Variants in TYK2 observed in about 807,000 individuals in gnomAD.
TYK2 encodes non-receptor tyrosine-protein kinase TYK2.
A neutral mutation model predicts 130.9 loss-of-function variants in TYK2; 65 were observed. That is an observed-to-expected ratio of 0.50 (90% CI 0.41 to 0.61). The LOEUF (loss-of-function observed/expected upper bound fraction) is 0.61. Among genes scored for constraint, TYK2 ranks in the 20% least tolerant of loss-of-function variants. TYK2 has a pLI of 0.00. For missense variants in TYK2, 1,378 were observed against 1,610.7 expected, an observed-to-expected ratio of 0.86 and a Z score of 2.47; for synonymous variants, 647 against 658.9, an observed-to-expected ratio of 0.98 and a Z score of 0.28.
chr19:10,377,386 AGGTGGGTGGGTGGGTG>A (rs762043167), intron 3 of TYK2, among the ~76,000 whole-genome samples: 2 of 74,572 alleles, frequency 2.7e-5, no homozygotes, highest in African/African-American at 9.1e-5. Flanking sequence ...ATGGATGAAT[AGGTGGGTGGGTGGGTG>A]GATGGATGGA....
At position 10,365,540 on chromosome 19, in the gene TYK2, C is replaced by T; in HGVS notation, c.988G>A (p.Glu330Lys). ...ACCTCCTCCTTGTTCACCTCCTCCT[C>T]TACTGGCCACCACTGGATGCCACCA... is the stretch of plus-strand genomic sequence containing the variant. ...GTGGIQWWPV[E>K]EEVNKEEGSS... Residue 330 changes from glutamate to lysine, a missense_variant, in exon 7 of 25, where the codon GAG (glutamate) becomes AAG (lysine). Transcript: ENST00000525621. 6.2e-7 allele frequency: 1 copy of T among 1,614,074 alleles called. No homozygotes were observed. The highest frequency in any genetic ancestry group is 1.3e-5 in the African/African-American group (1 of 75,038).
At chr19:10,358,288 T>G (rs2041210538) in intron 15 of TYK2, 150 bp from the exon 16 acceptor site, 1 of 741,420 alleles carries the variant, frequency 1.3e-6, no homozygotes, top group Non-Finnish European at 2.1e-6. Context: ...GGGTTATTTT[T>G]TTCTTGTTTT....
At chr19:10,377,951 T>G in intron 3 of TYK2, among the ~76,000 whole-genome samples, 2 of 89,684 alleles carry the variant, frequency 2.2e-5, no homozygotes, top group East Asian at 3.3e-4. Context: ...GGTGGGTGGA[T>G]GGGTGAATGG....
At chr19:10,367,476 T>G (rs879939340) in intron 5 of TYK2, among the ~76,000 whole-genome samples, 4 of 151,508 alleles carry the variant, frequency 2.6e-5, no homozygotes, top group Non-Finnish European at 5.9e-5. Context: ...AATAGAAAAA[T>G]TAGCCTGGGG....
intron 5 of TYK2, among the ~76,000 whole-genome samples, chr19:10,367,404 C>T (rs926445600): frequency 9.2e-5 from 14 of 152,056 alleles, no homozygotes; most frequent in African/African-American, 3.1e-4. Flanking sequence ...GCAGGTGAAT[C>T]ACTTGAGGTC....
chr19:10,351,197 G>T (rs1241586585), intron 23 of TYK2, 35 bp from the exon 24 acceptor site: 6 of 1,562,644 alleles, frequency 3.8e-6, no homozygotes, highest in Non-Finnish European at 5.3e-6. Context: ...TTTTCAAGAG[G>T]CAATGAAAGG....
intron 23 of TYK2, 36 bp from the exon 24 acceptor site, chr19:10,351,198 C>G: frequency 6.4e-7 from 1 of 1,569,184 alleles, no homozygotes; most frequent in South Asian, 1.1e-5. Flanking sequence ...TTTCAAGAGG[C>G]AATGAAAGGC....
chr19:10,350,640 C>G lies in TYK2; in HGVS notation c.*194G>C. 1 of 653,446 alleles carries G rather than the reference C, an allele frequency of 1.5e-6. No individual in the cohort carries two copies. Among genetic ancestry groups the G allele is most frequent in the Non-Finnish European group, 2.6e-6 (1 of 389,484 alleles). 40.5% of individuals were successfully genotyped at this position (653,446 alleles called of 1,614,324 possible). On this transcript the variant is annotated 3_prime_UTR_variant, in exon 25 of 25. Transcript: ENST00000525621. ...GTGCCCCTACAAATGTTGGGTCCCT[C>G]AAGATCATGGTTAGGCTCACGGCCA...
intron 3 of TYK2, among the ~76,000 whole-genome samples, chr19:10,377,536 ATGGATGGATGGGTGGGTGGG>A (rs1290812395): frequency 6.2e-5 from 4 of 64,832 alleles, no homozygotes; most frequent in East Asian, 5.0e-4. Context: ...GGATGGATGG[ATGGATGGATGGGTGGGTGGG>A]TGGATGGATG....
In TYK2 at chr19:10,353,915, A is replaced by T; in HGVS notation, c.2908+127T>A. ...AGCCACGCTCACCCAGATGCCAAGA[A>T]CCGCGTACTGCAGCCTGGGGTTGAG... On this transcript the variant is annotated intron_variant, in intron 20 of 24. Coordinates refer to ENST00000525621, the MANE Select transcript of TYK2 (RefSeq NM_003331.5). The surrounding 1 kb of genome is among the most constrained non-coding windows in gnomAD (Gnocchi z 6.9). The T allele has an allele frequency of 1.9e-6, 2 of 1,055,010 alleles. No homozygotes were observed. The highest frequency in any genetic ancestry group is 2.7e-5 in the South Asian group (2 of 73,520). 65.4% of individuals were successfully genotyped at this position (1,055,010 alleles called of 1,614,324 possible). A position where few individuals can be genotyped will look rare whatever the true frequency, so the allele number is the denominator to read the frequency against.
chr19:10,361,389 G>T lies in TYK2; in HGVS notation c.2047+122C>A. On this transcript the variant is annotated intron_variant, in intron 14 of 24. Transcript: ENST00000525621. The surrounding 1 kb of genome is among the most constrained non-coding windows in gnomAD (Gnocchi z 4.0). ...GGTGTAGCCCGGGATCAGAGTACAG[G>T]TGAGAGTTGAGAAATAGGCATAGGT... 1.1e-6 allele frequency: 1 copy of T among 951,938 alleles called. No homozygotes were observed. The highest frequency in any genetic ancestry group is 1.6e-6 in the Non-Finnish European group (1 of 616,402). 59.0% of individuals were successfully genotyped at this position (951,938 alleles called of 1,614,324 possible). A position where few individuals can be genotyped will look rare whatever the true frequency, so the allele number is the denominator to read the frequency against.
chr19:10,374,584 CAAAAAAAAAAAAA>C (rs1278364077), intron 3 of TYK2, among the ~76,000 whole-genome samples: 3 of 50,130 alleles, frequency 6.0e-5, no homozygotes, highest in Non-Finnish European at 1.1e-4. Flanking sequence ...GACTCCGTCT[CAAAAAAAAAAAAA>C]AAAAAAAAAG....
chr19:10,376,803 T>C (rs961697312), intron 3 of TYK2, among the ~76,000 whole-genome samples: 1 of 150,900 alleles, frequency 6.6e-6, no homozygotes, highest in African/African-American at 2.4e-5. Context: ...AGTTTTGCCA[T>C]GTTGGCCAGG....
chr19:10,363,338 C>T (rs1393907574), intron 9 of TYK2, among the ~76,000 whole-genome samples: 2 of 151,830 alleles, frequency 1.3e-5, no homozygotes, highest in Admixed American at 6.6e-5. Context: ...TACAGGTGTG[C>T]CCAGCTAATT....
Position 10,353,690 on chromosome 19 carries a change from G to A in TYK2, c.2909-44C>T. 1 of 1,414,758 alleles carries A rather than the reference G, an allele frequency of 7.1e-7. No homozygotes were observed. Among genetic ancestry groups the A allele is most frequent in the Non-Finnish European group, 9.4e-7 (1 of 1,063,514 alleles). The allele number at this position is 1,414,758 out of a possible 1,614,324, so 87.6% of individuals were successfully genotyped here. ...GCCCCGGTGGGGGACGATAGAGGGC[G>A]GGCCGGGGACCGCCTACCTTGAGCC... On this transcript the variant is annotated intron_variant, in intron 20 of 24. Coordinates refer to ENST00000525621, the MANE Select transcript of TYK2 (RefSeq NM_003331.5). The surrounding 1 kb of genome is among the most constrained non-coding windows in gnomAD (Gnocchi z 6.9).
chr19:10,354,082 G>C lies in TYK2; in HGVS notation c.2868C>G (p.His956Gln), dbSNP rs755578020. Reference protein sequence around the residue: ...QEIDILRTLYHEHIIKYKGCC... With the variant: ...QEIDILRTLYQEHIIKYKGCC... The stretch of plus-strand genomic sequence containing the variant: ...AGCCCTTGTACTTGATGATGTGCTC[G>C]TGGTAGAGCGTGCGCAGAATGTCAA... The change falls in exon 20 of 25, where the codon CAC becomes CAG. Residue 956 changes from histidine (H) to glutamine (Q), a missense_variant. Coordinates refer to ENST00000525621, the MANE Select transcript of TYK2 (RefSeq NM_003331.5). 5.0e-6 allele frequency: 8 copies of C among 1,614,098 alleles called. No individual in the cohort carries two copies. Among genetic ancestry groups the C allele is most frequent in the Non-Finnish European group, 5.9e-6 (7 of 1,180,034 alleles).
At chr19:10,359,842 C>T (rs566236947) in intron 14 of TYK2, among the ~76,000 whole-genome samples, 3 of 151,968 alleles carry the variant, frequency 2.0e-5, no homozygotes, top group South Asian at 2.1e-4. Context: ...TACAGTGAAA[C>T]CCCATCTCTA....
intron 6 of TYK2, among the ~76,000 whole-genome samples, 184 bp from the exon 7 acceptor site, chr19:10,366,082 C>G (rs1271304145): frequency 6.6e-6 from 1 of 152,118 alleles, no homozygotes; most frequent in South Asian, 2.1e-4. Flanking sequence ...GCGGAAGGAT[C>G]GCTTGAGGTC....
intron 14 of TYK2, among the ~76,000 whole-genome samples, chr19:10,360,394 G>C (rs1259410249): frequency 6.6e-6 from 1 of 152,116 alleles, no homozygotes; most frequent in African/African-American, 2.4e-5. Flanking sequence ...GTGCTCAAGA[G>C]GCTGAGGCGG....
Sources: allele counts gnomAD v4.1 joint callset (sites outside exome capture counted in the v4.1 genomes callset), GRCh38; gene constraint gnomAD v4.1.1; non-coding constraint Gnocchi (gnomAD v3.1); transcripts MANE v1.5; gene names NCBI Gene and HGNC (gene_info 2026-07-23, HGNC 2026-07-21).